ILRUN: variants seen among roughly 807,000 people sequenced by gnomAD.
ILRUN encodes inflammation and lipid regulator with UBA-like and NBR1-like domains, also known as protein ILRUN.
In ILRUN, 3 loss-of-function variants were observed where a neutral mutation model predicts 33.8. That is an observed-to-expected ratio of 0.09 (90% confidence interval 0.04 to 0.23). The LOEUF (loss-of-function observed/expected upper bound fraction) is 0.23, where lower values mean the gene tolerates loss of function less well. Ranked by LOEUF, ILRUN falls within the 10% of genes least tolerant of loss-of-function variation. The pLI is 1.00. For synonymous variants in ILRUN, 124 were observed against 138.9 expected (o/e 0.89, Z 0.75); for missense variants, 210 against 375.1 (o/e 0.56, Z 3.64).
At chr6:34,593,595 G>A (rs1028449602) in intron 4 of ILRUN, among the ~76,000 whole-genome samples, 1 of 152,144 alleles carries the variant, frequency 6.6e-6, no homozygotes, top group African/African-American at 2.4e-5. Flanking sequence ...ATTTACTGAT[G>A]TTCCATGCCT....
At chr6:34,680,276 A>G (rs1763331711) in intron 1 of ILRUN, among the ~76,000 whole-genome samples, 1 of 152,224 alleles carries the variant, frequency 6.6e-6, no homozygotes, top group Non-Finnish European at 1.5e-5. Context: ...TATCTAGAAT[A>G]TAGTAAATGC....
At chr6:34,678,194 C>G (rs905098299) in intron 1 of ILRUN, among the ~76,000 whole-genome samples, 1 of 152,118 alleles carries the variant, frequency 6.6e-6, no homozygotes, top group Non-Finnish European at 1.5e-5. Context: ...TGCCCACCAC[C>G]AGGCCCGGCT....
At chr6:34,633,981 C>A (rs1203318610) in intron 3 of ILRUN, among the ~76,000 whole-genome samples, 1 of 151,166 alleles carries the variant, frequency 6.6e-6, no homozygotes, top group Non-Finnish European at 1.5e-5. Flanking sequence ...AAACTATTAA[C>A]AAAGCTGGGA....
intron 1 of ILRUN, among the ~76,000 whole-genome samples, chr6:34,686,276 G>A (rs535025911): frequency 3.4e-4 from 52 of 152,116 alleles, no homozygotes; most frequent in African/African-American, 9.9e-4. Flanking sequence ...TGAGGTGGGC[G>A]GATCATGAGG....
At chr6:34,665,633 TTC>T (rs1329984324) in intron 1 of ILRUN, among the ~76,000 whole-genome samples, 2 of 152,026 alleles carry the variant, frequency 1.3e-5, no homozygotes, top group Non-Finnish European at 2.9e-5. Context: ...CTTGTTACAT[TTC>T]ACAGGCTGGT....
At chr6:34,638,160 C>T (rs557428664) in intron 3 of ILRUN, among the ~76,000 whole-genome samples, 96 of 151,788 alleles carry the variant, frequency 6.3e-4, no homozygotes, top group African/African-American at 2.2e-3. Flanking sequence ...AGTGCTGGGA[C>T]TACAGGCATG....
At chr6:34,591,694 T>G (rs1761296929) in intron 4 of ILRUN, among the ~76,000 whole-genome samples, 1 of 152,102 alleles carries the variant, frequency 6.6e-6, no homozygotes, top group South Asian at 2.1e-4. Flanking sequence ...TTTCATCATG[T>G]TAGCCAGGAT....
chr6:34,593,333 C>T (rs1318930414), intron 4 of ILRUN, among the ~76,000 whole-genome samples: 1 of 152,208 alleles, frequency 6.6e-6, no homozygotes, highest in African/African-American at 2.4e-5. Flanking sequence ...GCTCTACACA[C>T]TTCATGTGGG....
chr6:34,623,391 A>T (rs1249235854), intron 3 of ILRUN, among the ~76,000 whole-genome samples: 1 of 152,210 alleles, frequency 6.6e-6, no homozygotes, highest in Non-Finnish European at 1.5e-5. Flanking sequence ...ATCTTGCAAC[A>T]ATCCCACCCC....
At chr6:34,596,909 A>G (rs892643256) in intron 4 of ILRUN, among the ~76,000 whole-genome samples, 2 of 152,008 alleles carry the variant, frequency 1.3e-5, no homozygotes, top group African/African-American at 4.8e-5. Context: ...CTGTTGAGGA[A>G]CTTCTCATCT....
chr6:34,678,260 T>G (rs955020413), intron 1 of ILRUN, among the ~76,000 whole-genome samples: 6 of 152,064 alleles, frequency 3.9e-5, no homozygotes, highest in African/African-American at 7.2e-5. Flanking sequence ...AGGCTGGTCT[T>G]GAACTCCTGA....
intron 1 of ILRUN, among the ~76,000 whole-genome samples, chr6:34,675,387 T>C (rs1324721992): frequency 2.6e-5 from 4 of 152,140 alleles, no homozygotes; most frequent in African/African-American, 9.7e-5. Context: ...ATCAGGGAAA[T>C]GTACATTTTT....
intron 1 of ILRUN, among the ~76,000 whole-genome samples, chr6:34,673,317 T>C (rs759406420): frequency 1.3e-5 from 2 of 152,108 alleles, no homozygotes; most frequent in Non-Finnish European, 2.9e-5. Context: ...TCAGGGTAGG[T>C]CCAACGTTCT....
chr6:34,649,250 A>C (rs1216633137), intron 2 of ILRUN, among the ~76,000 whole-genome samples: 1 of 152,200 alleles, frequency 6.6e-6, no homozygotes, highest in African/African-American at 2.4e-5. Context: ...AGGTCACGTA[A>C]CTCTGAAAAG....
chr6:34,658,936 T>A (rs557274676), intron 1 of ILRUN, among the ~76,000 whole-genome samples: 1 of 152,304 alleles, frequency 6.6e-6, no homozygotes, highest in East Asian at 1.9e-4. Flanking sequence ...CCTATCTCAT[T>A]ATAATGTTGG....
At chr6:34,609,200 G>A (rs150410600) in intron 3 of ILRUN, among the ~76,000 whole-genome samples, 91 of 152,284 alleles carry the variant, frequency 6.0e-4, no homozygotes, top group African/African-American at 2.0e-3. Flanking sequence ...TCAAAAGAAG[G>A]CAGCCTGGCT....
At chr6:34,655,956 T>C (rs1582083935) in intron 1 of ILRUN, among the ~76,000 whole-genome samples, 1 of 152,156 alleles carries the variant, frequency 6.6e-6, no homozygotes, top group Non-Finnish European at 1.5e-5. Flanking sequence ...TTGTAAAGGC[T>C]GGGCTCAGTG....
chr6:34,661,789 G>A (rs1196437821), intron 1 of ILRUN, among the ~76,000 whole-genome samples: 1 of 152,016 alleles, frequency 6.6e-6, no homozygotes, highest in Non-Finnish European at 1.5e-5. Flanking sequence ...TTGTATAATG[G>A]CTTCTAGGGA....
intron 1 of ILRUN, among the ~76,000 whole-genome samples, chr6:34,674,037 T>C (rs1337781616): frequency 6.6e-6 from 1 of 151,302 alleles, no homozygotes; most frequent in Non-Finnish European, 1.5e-5. Flanking sequence ...GGTCCAAATC[T>C]TTTTTTTTGA....
Sources: allele counts gnomAD v4.1 joint callset (sites outside exome capture counted in the v4.1 genomes callset), GRCh38; gene constraint gnomAD v4.1.1; transcripts MANE v1.5; gene names NCBI Gene and HGNC (gene_info 2026-07-23, HGNC 2026-07-21).